The following NPC1 variants were observed in gnomAD, a reference collection of about 807,000 sequenced individuals.
The protein encoded by NPC1 is Niemann-Pick C1 protein.
NPC1 carries 85 observed loss-of-function variants against 140.4 expected under a neutral mutation model. The observed-to-expected ratio is 0.61, with a 90% CI of 0.51 to 0.72. The LOEUF (loss-of-function observed/expected upper bound fraction) is 0.72. Ranked by LOEUF, NPC1 falls within the 30% of genes least tolerant of loss-of-function variation. The pLI is 0.00. For synonymous variants in NPC1, 656 were observed against 624.8 expected (o/e 1.05, Z -0.74); for missense variants, 1,504 against 1,623.8 (o/e 0.93, Z 1.27).
intron 5 of NPC1, 119 bp from the exon 6 acceptor site, chr18:23,560,599 G>T (rs1480247173): frequency 3.7e-6 from 4 of 1,088,286 alleles, no homozygotes; most frequent in African/African-American, 3.2e-5. Flanking sequence ...AGAAGAAAAA[G>T]AATTGGAGGT....
At chr18:23,521,236 G>C (rs1367944359), downstream of NPC1, among the ~76,000 whole-genome samples, 6 of 152,204 alleles carry the variant, frequency 3.9e-5, no homozygotes, top group Non-Finnish European at 5.9e-5. Flanking sequence ...TTCTAAGATA[G>C]ATGAATCTCC....
In NPC1 at chr18:23,544,399, A is replaced by G; in HGVS notation, c.2075T>C (p.Phe692Ser). 6.2e-7 allele frequency: 1 copy of G among 1,614,230 alleles called. No individual in the cohort carries two copies. Among genetic ancestry groups the G allele is most frequent in the Non-Finnish European group, 8.5e-7 (1 of 1,180,040 alleles). ...LTLIVIEVIPFLVLAVGVDNI... is the reference protein window; with the variant it reads ...LTLIVIEVIPSLVLAVGVDNI... Reference sequence around the variant, plus strand: ...GTCCACTCCAACAGCCAGCACCAGGAACGGGATGACTTCAATCACAATGAG... The same window carrying G: ...GTCCACTCCAACAGCCAGCACCAGGGACGGGATGACTTCAATCACAATGAG... The change falls in exon 13 of 25, where the codon TTC (phenylalanine) becomes TCC (serine). Residue 692 changes from phenylalanine to serine, a missense_variant. Transcript: ENST00000269228.
rs1555641909 is a variant in NPC1 at position 23,572,157 on chromosome 18, AAAG to A, written c.201_203del (p.Phe68del). On this transcript the variant is annotated inframe_deletion, in exon 3 of 25. Transcript: ENST00000269228. ...CATCACAACAGAGACTGACATTGCCAAAGAAGAATCCTGGACAGAGTTCCTTTC... is the reference window on the plus strand; with the variant it reads ...CATCACAACAGAGACTGACATTGCCAAAGAATCCTGGACAGAGTTCCTTTC... 1 of 1,613,266 alleles carries A rather than the reference AAAG, an allele frequency of 6.2e-7. No individual in the cohort carries two copies. The highest frequency in any genetic ancestry group is 8.5e-7 in the Non-Finnish European group (1 of 1,179,472).
Position 23,541,393 on chromosome 18 carries a change from G to A in NPC1, c.2286C>T (p.Leu762=), listed in dbSNP as rs372431637. 1.4e-5 allele frequency: 22 copies of A among 1,614,234 alleles called. No homozygotes were observed. The highest frequency in any genetic ancestry group is 1.8e-5 in the Non-Finnish European group (21 of 1,180,038). The change falls in exon 15 of 25, where the codon CTC becomes CTT. Residue 762 remains leucine, a synonymous_variant. Transcript: ENST00000269228. ...SVMPAVHTFS[L]FAGLAVFIDF... ...CAATGAAGACTGCCAATCCCGCAAA[G>A]AGAGAGAAGGTGTGCACGGCTGGCA...
intron 3 of NPC1, among the ~76,000 whole-genome samples, chr18:23,570,805 C>CTTTTTT (rs2059190631): frequency 6.6e-6 from 1 of 152,038 alleles, no homozygotes. Context: ...GGGTCATAGC[C>CTTTTTT]AACAGAACAG....
intron 20 of NPC1, 97 bp downstream of exon 20, chr18:23,538,445 C>T (rs923368453): frequency 4.3e-5 from 63 of 1,452,296 alleles, no homozygotes; most frequent in Middle Eastern, 3.6e-4. Flanking sequence ...GGAGAAGAGA[C>T]GTTCCCATGC....
intron 1 of NPC1, chr18:23,524,062 G>A (rs2058223014): frequency 2.0e-6 from 3 of 1,487,186 alleles, no homozygotes; most frequent in South Asian, 1.1e-5. Flanking sequence ...TGACTTTTGT[G>A]TCATAAGTAC....
At chr18:23,529,950 C>A, downstream of NPC1, 1 of 1,335,462 alleles carries the variant, frequency 7.5e-7, no homozygotes, top group Non-Finnish European at 1.1e-6. Context: ...GTTAGAATAG[C>A]CAGTCCTTGG....
At chr18:23,543,990 A>G (rs148656639) in intron 13 of NPC1, among the ~76,000 whole-genome samples, 84 of 152,310 alleles carry the variant, frequency 5.5e-4, no homozygotes, top group African/African-American at 1.9e-3. Context: ...ATTCTATACT[A>G]TGCTGAACAT....
At chr18:23,540,976 G>T in intron 16 of NPC1, 92 bp downstream of exon 16, 1 of 1,407,984 alleles carries the variant, frequency 7.1e-7, no homozygotes, top group Non-Finnish European at 1.0e-6. Context: ...ACAGCTTTAA[G>T]AATCTCCTTC....
At chr18:23,536,384 T>TC (rs2058631387) in intron 21 of NPC1, among the ~76,000 whole-genome samples, 2 of 152,210 alleles carry the variant, frequency 1.3e-5, no homozygotes, top group Non-Finnish European at 2.9e-5. Context: ...CCGCCTGCTC[T>TC]CCAAGCGCCC....
Position 23,572,058 on chromosome 18 carries a change from C to T in NPC1, c.287+16G>A, listed in dbSNP as rs769826810. Reference sequence around the variant, plus strand: ...TATCTACAGCCCAGTTGTTCTGTTTCCCCAGCAGAACCTACCTGGACAGAA... The same window carrying T: ...TATCTACAGCCCAGTTGTTCTGTTTTCCCAGCAGAACCTACCTGGACAGAA... On this transcript the variant is annotated intron_variant, in intron 3 of 24. Transcript: ENST00000269228. The T allele has an allele frequency of 6.4e-6, 10 of 1,571,942 alleles. No homozygotes were observed. Among genetic ancestry groups the T allele is most frequent in the Admixed American group, 1.7e-5 (1 of 59,874 alleles).
intron 11 of NPC1, among the ~76,000 whole-genome samples, chr18:23,546,850 G>A (rs2058796830): frequency 6.6e-6 from 1 of 152,184 alleles, no homozygotes; most frequent in Non-Finnish European, 1.5e-5. Flanking sequence ...ATGAAAAGAT[G>A]GAGGGTGTTA....
In NPC1 at chr18:23,531,492, C is replaced by A. The variant is rs2058505273; in HGVS notation, c.*710G>T. 1.4e-6 allele frequency: 2 copies of A among 1,463,768 alleles called. No homozygotes were observed. Among genetic ancestry groups the A allele is most frequent in the Non-Finnish European group, 1.8e-6 (2 of 1,114,702 alleles). The allele number at this position is 1,463,768 out of a possible 1,614,324, so 90.7% of individuals were successfully genotyped here. A position where few individuals can be genotyped will look rare whatever the true frequency, so the allele number is the denominator to read the frequency against. ...GTCTCTCAAAGCAGATAGGGTAACC[C>A]CAAAACTTAGGAAAACAATGTATTT... is the stretch of plus-strand genomic sequence containing the variant. On this transcript the variant is annotated 3_prime_UTR_variant, in exon 25 of 25. Coordinates refer to ENST00000269228, the MANE Select transcript of NPC1 (RefSeq NM_000271.5).
downstream of NPC1, chr18:23,526,797 CCA>C: frequency 6.2e-7 from 1 of 1,610,006 alleles, no homozygotes; most frequent in Non-Finnish European, 8.5e-7. Flanking sequence ...TGCTCTGATT[CCA>C]GTGTGAGGCC....
chr18:23,567,965 ATT>A (rs1491115382), intron 4 of NPC1, among the ~76,000 whole-genome samples: 1 of 151,796 alleles, frequency 6.6e-6, no homozygotes, highest in Non-Finnish European at 1.5e-5. Flanking sequence ...ATTCATAAAT[ATT>A]TTTCTTATGG....
chr18:23,520,360 G>T, downstream of NPC1: 1 of 1,441,888 alleles, frequency 6.9e-7, no homozygotes, highest in East Asian at 2.3e-5. Context: ...TTCACCATGT[G>T]GCTGTGTTCT....
intron 6 of NPC1, 67 bp downstream of exon 6, chr18:23,560,164 T>A: frequency 6.2e-7 from 1 of 1,603,340 alleles, no homozygotes. Context: ...CTCTGACAAA[T>A]GAAAGCTCAA....
At chr18:23,585,327 G>A (rs1202143959) in intron 1 of NPC1, among the ~76,000 whole-genome samples, 1 of 152,100 alleles carries the variant, frequency 6.6e-6, no homozygotes, top group Non-Finnish European at 1.5e-5. Flanking sequence ...ATCCTCCCGC[G>A]GAGCCCTTCT....
Sources: gnomAD v4.1 joint callset for allele counts (sites outside exome capture counted in the v4.1 genomes callset) on GRCh38, gnomAD v4.1.1 for gene constraint, MANE v1.5 for transcripts, NCBI Gene and HGNC (gene_info 2026-07-23, HGNC 2026-07-21) for gene names.